Variants in CPAMD8 observed in about 807,000 individuals in gnomAD.
CPAMD8 encodes the protein C3 and PZP-like alpha-2-macroglobulin domain-containing protein 8.
CPAMD8 carries 146 observed loss-of-function variants against 224.7 expected under a neutral mutation model. That is an observed-to-expected ratio of 0.65 (90% confidence interval 0.57 to 0.75). CPAMD8 has a LOEUF of 0.75. Among genes scored for constraint, CPAMD8 ranks in the 30% least tolerant of loss-of-function variants. CPAMD8 has a pLI of 0.00. For missense variants in CPAMD8, 2,301 were observed against 2,537.5 expected, an observed-to-expected ratio of 0.91 and a Z score of 2.00; for synonymous variants, 966 against 1,044.6, an observed-to-expected ratio of 0.92 and a Z score of 1.45.
chr19:16,922,307 C>T (rs932654785), intron 26 of CPAMD8, among the ~76,000 whole-genome samples: 1 of 151,958 alleles, frequency 6.6e-6, no homozygotes, highest in Non-Finnish European at 1.5e-5. Context: ...CCTGAAACTG[C>T]CCCACACCAC....
chr19:16,996,751 G>A (rs1222849445), intron 11 of CPAMD8, among the ~76,000 whole-genome samples: 5 of 149,840 alleles, frequency 3.3e-5, no homozygotes, highest in African/African-American at 7.4e-5. Flanking sequence ...CCTGGGAGAC[G>A]GAGGTTGCAG....
chr19:16,935,436 C>T (rs1252555014), intron 23 of CPAMD8, among the ~76,000 whole-genome samples: 1 of 152,124 alleles, frequency 6.6e-6, no homozygotes, highest in South Asian at 2.1e-4. Context: ...CTCCCTAACC[C>T]CTGGCAACCA....
At chr19:16,989,325 C>T (rs944267958) in intron 13 of CPAMD8, among the ~76,000 whole-genome samples, 11 of 152,060 alleles carry the variant, frequency 7.2e-5, no homozygotes, top group East Asian at 5.8e-4. Context: ...CTGGCTTTGT[C>T]GCCCAGGCTG....
At position 17,002,393 on chromosome 19, in the gene CPAMD8, A is replaced by C. The variant is rs1161147913; in HGVS notation, c.674-43T>G. On this transcript the variant is annotated intron_variant, in intron 8 of 41. Coordinates refer to ENST00000443236, the MANE Select transcript of CPAMD8 (RefSeq NM_015692.5). ...AGAGGAGGGGCTGGCTTCTGTCCCT[A>C]AGGTGGCCTCAGGAGCCCTGACACC... 5 of 1,435,822 alleles carry C rather than the reference A, an allele frequency of 3.5e-6. No homozygotes were observed. The African/African-American group carries it at 7.1e-5, about 20-fold the overall frequency. 88.9% of individuals were successfully genotyped at this position (1,435,822 alleles called of 1,614,324 possible). A position where few individuals can be genotyped will look rare whatever the true frequency, so the allele number is the denominator to read the frequency against.
chr19:16,921,388 T>C (rs1331793294), intron 27 of CPAMD8, among the ~76,000 whole-genome samples: 1 of 151,856 alleles, frequency 6.6e-6, no homozygotes, highest in Non-Finnish European at 1.5e-5. Context: ...AGAACTGCAA[T>C]AGCCTGAGGA....
Position 17,008,572 on chromosome 19 carries a change from GA to G in CPAMD8, c.505-14del. The G allele has an allele frequency of 6.2e-7, 1 of 1,614,028 alleles. No homozygotes were observed. Among genetic ancestry groups the G allele is most frequent in the Non-Finnish European group, 8.5e-7 (1 of 1,179,962 alleles). ...AGCCTCGGGGGTCCTGTTGGTGGTG[GA>G]GGGGGACAGACACACGGAGTGAACT... is the stretch of plus-strand genomic sequence containing the variant. On this transcript the variant is annotated splice_polypyrimidine_tract_variant and intron_variant, in intron 6 of 41. Coordinates refer to ENST00000443236, the MANE Select transcript of CPAMD8 (RefSeq NM_015692.5).
At chr19:16,941,815 A>G (rs1193643229) in intron 22 of CPAMD8, among the ~76,000 whole-genome samples, 1 of 152,124 alleles carries the variant, frequency 6.6e-6, no homozygotes, top group Non-Finnish European at 1.5e-5. Context: ...TCTACTAAAA[A>G]TATAAAAATT....
intron 24 of CPAMD8, 77 bp downstream of exon 24, chr19:16,928,865 T>G: frequency 8.1e-7 from 1 of 1,234,636 alleles, no homozygotes. Flanking sequence ...GATCAAAGCC[T>G]GGCACCAAAC....
intron 18 of CPAMD8, among the ~76,000 whole-genome samples, chr19:16,966,747 A>T (rs565639962): frequency 6.6e-6 from 1 of 152,250 alleles, no homozygotes; most frequent in Non-Finnish European, 1.5e-5. Context: ...AATGCTCATC[A>T]TCACTGGCCA....
At chr19:16,975,410 A>C (rs2055227395) in intron 16 of CPAMD8, 152 bp from the exon 17 acceptor site, 1 of 650,730 alleles carries the variant, frequency 1.5e-6, no homozygotes, top group South Asian at 1.9e-5. Flanking sequence ...GCCCATTTTA[A>C]GATGGGCAAA....
At position 16,903,627 on chromosome 19, in the gene CPAMD8, G is replaced by A. The variant is rs2052349746; in HGVS notation, c.4408-4C>T. 1 of 1,614,088 alleles carries A rather than the reference G, an allele frequency of 6.2e-7. No homozygotes were observed. The highest frequency in any genetic ancestry group is 2.2e-5 in the East Asian group (1 of 44,858). On this transcript the variant is annotated splice_polypyrimidine_tract_variant and splice_region_variant and intron_variant, in intron 33 of 41. Transcript: ENST00000443236. ...GCCCCGTGGGGAGGCTGGGGATCTG[G>A]AGACAGAAGTCACCGTGAGGCCCTG...
intron 18 of CPAMD8, among the ~76,000 whole-genome samples, chr19:16,968,449 G>A (rs148845539): frequency 1.1e-3 from 166 of 152,178 alleles, no homozygotes; most frequent in African/African-American, 3.8e-3. Flanking sequence ...GGCTCATCAG[G>A]GCTGGCCACC....
At chr19:16,989,566 C>T in intron 13 of CPAMD8, 77 bp downstream of exon 13, 12 of 1,539,268 alleles carry the variant, frequency 7.8e-6, no homozygotes, top group Non-Finnish European at 1.1e-5. Context: ...GGATTACAGG[C>T]ATGAGCCACA....
At chr19:16,918,897 G>T (rs1333524738) in intron 27 of CPAMD8, among the ~76,000 whole-genome samples, 1 of 151,988 alleles carries the variant, frequency 6.6e-6, no homozygotes, top group Admixed American at 6.6e-5. Flanking sequence ...TTGAGCATGA[G>T]GTTGGCACTA....
intron 22 of CPAMD8, among the ~76,000 whole-genome samples, chr19:16,939,050 C>T (rs1435942191): frequency 3.3e-5 from 5 of 152,350 alleles, no homozygotes; most frequent in South Asian, 2.1e-4. Flanking sequence ...CTGACCAACA[C>T]GGCCCCTGTG....
chr19:16,920,707 T>C (rs531267132), intron 27 of CPAMD8, among the ~76,000 whole-genome samples: 20 of 149,712 alleles, frequency 1.3e-4, no homozygotes, highest in African/African-American at 4.7e-4. Flanking sequence ...AATACAAAAA[T>C]TAGCTGGGCA....
At chr19:16,912,363 G>C (rs1291273084) in intron 29 of CPAMD8, among the ~76,000 whole-genome samples, 1 of 152,182 alleles carries the variant, frequency 6.6e-6, no homozygotes, top group African/African-American at 2.4e-5. Context: ...AGGTTGGAAG[G>C]CTATGGAGAA....
At chr19:16,956,941 C>T (rs1335179819) in intron 19 of CPAMD8, among the ~76,000 whole-genome samples, 1 of 152,126 alleles carries the variant, frequency 6.6e-6, no homozygotes, top group Admixed American at 6.5e-5. Context: ...GCTGGGATTA[C>T]AGGCATGAGC....
intron 13 of CPAMD8, 56 bp downstream of exon 13, chr19:16,989,587 C>T (rs1208521701): frequency 6.3e-6 from 10 of 1,584,750 alleles, no homozygotes; most frequent in Non-Finnish European, 8.6e-6. Context: ...GCACCTGGCT[C>T]ATGCTGCTTT....
Sources: gnomAD v4.1 joint callset for allele counts (sites outside exome capture counted in the v4.1 genomes callset) on GRCh38, gnomAD v4.1.1 for gene constraint, MANE v1.5 for transcripts, NCBI Gene and HGNC (gene_info 2026-07-23, HGNC 2026-07-21) for gene names.